The following SPATA18 variants were observed in gnomAD, a reference collection of about 807,000 sequenced individuals.
SPATA18 encodes the protein mitochondria-eating protein.
SPATA18 carries 54 observed loss-of-function variants against 68.1 expected under a neutral mutation model. The observed-to-expected ratio is 0.79, with a 90% confidence interval of 0.64 to 0.99. SPATA18 has a LOEUF of 0.99. Ranked by LOEUF, SPATA18 falls within the 50% of genes least tolerant of loss-of-function variation. The pLI is 0.00. For missense variants in SPATA18, 724 were observed against 681.1 expected, an observed-to-expected ratio of 1.06 and a Z score of -0.70; for synonymous variants, 242 against 244.8, an observed-to-expected ratio of 0.99 and a Z score of 0.11.
Position 52,072,119 on chromosome 4 carries a change from G to T in SPATA18, c.721G>T (p.Ala241Ser), listed in dbSNP as rs540202354. The T allele has an allele frequency of 1.2e-6, 2 of 1,614,098 alleles. No homozygotes were observed. Among genetic ancestry groups the T allele is most frequent in the Admixed American group, 1.7e-5 (1 of 60,020 alleles). ...KQLRNLKEEIAVLSAEKSALQ... is the reference protein window; with the variant it reads ...KQLRNLKEEISVLSAEKSALQ... ...GCTCCGAAACCTGAAGGAGGAGATAGCTGTTCTGTCTGCTGAGAAAAGTGC... is the reference window on the plus strand; with the variant it reads ...GCTCCGAAACCTGAAGGAGGAGATATCTGTTCTGTCTGCTGAGAAAAGTGC... The change falls in exon 6 of 13, where the codon GCT (alanine) becomes TCT (serine). Residue 241 changes from alanine to serine, a missense_variant. Physicochemically the swap from Ala to Ser is moderately conservative, Grantham distance 99. Coordinates refer to ENST00000295213, the MANE Select transcript of SPATA18 (RefSeq NM_145263.4).
intron 6 of SPATA18, 93 bp from the exon 7 acceptor site, chr4:52,076,686 C>T (rs1034139735): frequency 5.8e-6 from 9 of 1,541,494 alleles, no homozygotes; most frequent in Non-Finnish European, 7.9e-6. Flanking sequence ...GTTTTGCCTC[C>T]GGATGGTCGG....
Position 52,077,348 on chromosome 4 carries a change from C to T in SPATA18, c.1020+308C>T, listed in dbSNP as rs546524775. Among the ~76,000 whole-genome samples the T allele has an allele frequency of 1.6e-4, 23 of 141,096 alleles. No individual in the cohort carries two copies. In the East Asian group the frequency reaches 5.4e-3, roughly 33 times the overall value. The allele number at this position is 141,096 out of a possible 152,430, so 92.6% of individuals were successfully genotyped here. ...TCCCTCCCTCCCTTCCTTTCTCTTT[C>T]CCTCCCTCTCTCCATCTCTTCCTCC... On this transcript the variant is annotated intron_variant, in intron 7 of 12. Coordinates refer to ENST00000295213, the MANE Select transcript of SPATA18 (RefSeq NM_145263.4).
In SPATA18 at chr4:52,076,976, G is replaced by T. The variant is rs1444709837; in HGVS notation, c.956G>T (p.Cys319Phe). 6.2e-7 allele frequency: 1 copy of T among 1,613,760 alleles called. No individual in the cohort carries two copies. Among genetic ancestry groups the T allele is most frequent in the East Asian group, 2.2e-5 (1 of 44,866 alleles). ...SYSQARLDAQ[C>F]LLRRCIDKAE... ...TCCCAGGCCCGCCTGGACGCGCAGT[G>T]CCTGCTGCGGCGCTGCATCGACAAG... Residue 319 changes from cysteine to phenylalanine, a missense_variant, in exon 7 of 13, where the codon TGC becomes TTC. Cys to Phe is a radical substitution (Grantham distance 205, BLOSUM62 -2). Transcript: ENST00000295213.
At chr4:52,087,738 G>T (rs574206969) in intron 11 of SPATA18, among the ~76,000 whole-genome samples, 1 of 152,220 alleles carries the variant, frequency 6.6e-6, no homozygotes, top group South Asian at 2.1e-4. Context: ...GCCCAGGATT[G>T]TCTTGGCTAG....
chr4:52,091,565 A>C (rs1446434337), intron 11 of SPATA18, among the ~76,000 whole-genome samples: 1 of 152,010 alleles, frequency 6.6e-6, no homozygotes, highest in Non-Finnish European at 1.5e-5. Flanking sequence ...CTGAAAGTCC[A>C]CTCCCAACCC....
In SPATA18 at chr4:52,078,794, G is replaced by A. The variant is rs1283846174; in HGVS notation, c.1080G>A (p.Ser360=). 2.5e-6 allele frequency: 4 copies of A among 1,607,098 alleles called. No homozygotes were observed. Among genetic ancestry groups the A allele is most frequent in the Admixed American group, 1.7e-5 (1 of 59,946 alleles). Residue 360 remains serine, a synonymous_variant, in exon 8 of 13, where the codon TCG becomes TCA. Coordinates refer to ENST00000295213, the MANE Select transcript of SPATA18 (RefSeq NM_145263.4). The part of the protein sequence containing the change: ...FRHFKIHVRK[S]LTPSYVGSND... ...ACTTCAAGATCCATGTGAGAAAATC[G>A]TTGACACCATCTTATGTGGGGTCGA...
chr4:52,082,643 G>T (rs760845965), intron 10 of SPATA18, 133 bp downstream of exon 10: 1 of 1,564,654 alleles, frequency 6.4e-7, no homozygotes, highest in Non-Finnish European at 8.7e-7. Context: ...GGAGAGGTCG[G>T]AGATGATCTC....
At chr4:52,080,387 C>T (rs1740816893) in intron 9 of SPATA18, among the ~76,000 whole-genome samples, 1 of 152,138 alleles carries the variant, frequency 6.6e-6, no homozygotes, top group African/African-American at 2.4e-5. Context: ...CCCAGGTGTT[C>T]CTTGTGCACA....
intron 4 of SPATA18, among the ~76,000 whole-genome samples, chr4:52,064,693 T>C (rs1268923787): frequency 2.6e-5 from 4 of 152,212 alleles, no homozygotes; most frequent in Non-Finnish European, 5.9e-5. Context: ...GGCACTTAGG[T>C]TGGTTCCATA....
At chr4:52,068,860 T>C (rs570977887) in intron 4 of SPATA18, among the ~76,000 whole-genome samples, 3 of 152,118 alleles carry the variant, frequency 2.0e-5, no homozygotes, top group African/African-American at 7.2e-5. Flanking sequence ...GTATCATCTA[T>C]CTCACTTCCA....
At chr4:52,063,203 G>T (rs868659526) in intron 4 of SPATA18, among the ~76,000 whole-genome samples, 1 of 152,180 alleles carries the variant, frequency 6.6e-6, no homozygotes, top group Non-Finnish European at 1.5e-5. Flanking sequence ...AATGTGTGGT[G>T]CTCTGCCTTG....
chr4:52,055,673 T>A, intron 1 of SPATA18, among the ~76,000 whole-genome samples: 1 of 152,172 alleles, frequency 6.6e-6, no homozygotes, highest in Non-Finnish European at 1.5e-5. Context: ...CTTTTATGTT[T>A]CCAATGACCA....
intron 1 of SPATA18, 133 bp downstream of exon 1, chr4:52,051,924 C>A: frequency 1.3e-6 from 1 of 779,936 alleles, no homozygotes; most frequent in Non-Finnish European, 2.2e-6. Context: ...TAACCAGGAT[C>A]TCAGCTTTCG....
chr4:52,070,846 C>T (rs1167074676), intron 5 of SPATA18, among the ~76,000 whole-genome samples: 4 of 151,100 alleles, frequency 2.6e-5, no homozygotes, highest in African/African-American at 9.8e-5. Flanking sequence ...CTTCCTGGAT[C>T]TTAATTTTGA....
Position 52,051,345 on chromosome 4 carries a change from G to A in SPATA18, c.-360G>A. 4.9e-6 allele frequency: 1 copy of A among 203,508 alleles called. No individual in the cohort carries two copies. Among genetic ancestry groups the A allele is most frequent in the Middle Eastern group, 1.7e-3 (1 of 592 alleles). 12.6% of individuals were successfully genotyped at this position (203,508 alleles called of 1,614,324 possible). On this transcript the variant is annotated 5_prime_UTR_variant, in exon 1 of 13. Coordinates refer to ENST00000295213, the MANE Select transcript of SPATA18 (RefSeq NM_145263.4). The stretch of plus-strand genomic sequence containing the variant: ...GCGCGGCTGTCACCCAGGGCGGGGC[G>A]GCGCGGGCGTTGCCACGACGCGGGC...
rs1379731527 is a variant in SPATA18, at chr4:52,096,404, C to A, written c.*1517C>A. The A allele has an allele frequency of 2.6e-5, 4 of 152,022 alleles. No homozygotes were observed. Among genetic ancestry groups the A allele is most frequent in the African/African-American group, 9.7e-5 (4 of 41,406 alleles). 9.4% of individuals were successfully genotyped at this position (152,022 alleles called of 1,614,324 possible). On this transcript the variant is annotated 3_prime_UTR_variant, in exon 13 of 13. Transcript: ENST00000295213. ...TGGATACAATTAGTGCCCCTCTTAA[C>A]CCTGCAGACTCAATGTTCCCTTTTA...
intron 4 of SPATA18, among the ~76,000 whole-genome samples, chr4:52,063,706 G>T (rs1739081586): frequency 6.6e-6 from 1 of 152,090 alleles, no homozygotes; most frequent in African/African-American, 2.4e-5. Context: ...TTCTAGGGAA[G>T]GGATGCTTGT....
intron 1 of SPATA18, among the ~76,000 whole-genome samples, chr4:52,056,269 T>G (rs2109405204): frequency 6.6e-6 from 1 of 152,308 alleles, no homozygotes; most frequent in South Asian, 2.1e-4. Flanking sequence ...AGCTCCAGAC[T>G]TACTTTCCAT....
At chr4:52,067,700 A>T (rs1295823149) in intron 4 of SPATA18, among the ~76,000 whole-genome samples, 1 of 152,090 alleles carries the variant, frequency 6.6e-6, no homozygotes, top group Non-Finnish European at 1.5e-5. Context: ...ATACTCTTCC[A>T]TGGTGATCTG....
Sources: allele counts gnomAD v4.1 joint callset (sites outside exome capture counted in the v4.1 genomes callset), GRCh38; gene constraint gnomAD v4.1.1; transcripts MANE v1.5; gene names NCBI Gene and HGNC (gene_info 2026-07-23, HGNC 2026-07-21).